CAMK2D: variants seen among roughly 807,000 people sequenced by gnomAD.
The protein encoded by CAMK2D is calcium/calmodulin-dependent protein kinase type II subunit delta.
A neutral mutation model predicts 84.0 loss-of-function variants in CAMK2D; 37 were observed. That is an observed-to-expected ratio of 0.44 (90% CI 0.34 to 0.58). CAMK2D has a LOEUF of 0.58. Ranked by LOEUF, CAMK2D falls within the 20% of genes least tolerant of loss-of-function variation. CAMK2D has a pLI of 0.02. For synonymous variants in CAMK2D, 202 were observed against 212.5 expected (o/e 0.95, Z 0.43); for missense variants, 448 against 652.5 (o/e 0.69, Z 3.41).
intron 2 of CAMK2D, among the ~76,000 whole-genome samples, chr4:113,663,423 CA>C (rs902656674): frequency 3.3e-5 from 5 of 150,796 alleles, no homozygotes; most frequent in African/African-American, 9.8e-5. Flanking sequence ...TCATCTCTAC[CA>C]AAAAAAACAC....
intron 17 of CAMK2D, 52 bp downstream of exon 17, chr4:113,465,476 TA>T: frequency 2.0e-6 from 2 of 1,006,298 alleles, no homozygotes; most frequent in Non-Finnish European, 3.1e-6. Context: ...TGCATTCATA[TA>T]AAAAATATAT....
chr4:113,485,810 C>G (rs1182404769), intron 16 of CAMK2D, among the ~76,000 whole-genome samples: 1 of 152,158 alleles, frequency 6.6e-6, no homozygotes, highest in Non-Finnish European at 1.5e-5. Context: ...TCCTCTCAAG[C>G]TTGATCTGCT....
chr4:113,600,914 C>T (rs2098949338), intron 4 of CAMK2D, among the ~76,000 whole-genome samples: 1 of 152,130 alleles, frequency 6.6e-6, no homozygotes, highest in African/African-American at 2.4e-5. Context: ...AGGTTACAAG[C>T]ATGAGCCACA....
chr4:113,713,266 T>C (rs2099499853), intron 2 of CAMK2D, among the ~76,000 whole-genome samples: 1 of 151,804 alleles, frequency 6.6e-6, no homozygotes, highest in Non-Finnish European at 1.5e-5. Context: ...TCCTTGAGTA[T>C]ATGAATGAAA....
At chr4:113,575,959 AGAAGCCTCACATATTTTTTATAAGT>A (rs1247230670) in intron 4 of CAMK2D, among the ~76,000 whole-genome samples, 1 of 152,152 alleles carries the variant, frequency 6.6e-6, no homozygotes, top group Non-Finnish European at 1.5e-5. Context: ...TTTTTAAAAG[AGAAGCCTCACATATTTTTTATAAGT>A]ATCTTCTAGC....
chr4:113,668,626 T>C (rs1054036986), intron 2 of CAMK2D, among the ~76,000 whole-genome samples: 7 of 152,180 alleles, frequency 4.6e-5, no homozygotes, highest in African/African-American at 1.4e-4. Flanking sequence ...CTGTTTTTCA[T>C]AAAATCATAT....
intron 4 of CAMK2D, among the ~76,000 whole-genome samples, chr4:113,589,281 C>CACTTTT (rs966112562): frequency 6.6e-6 from 1 of 152,088 alleles, no homozygotes; most frequent in African/African-American, 2.4e-5. Context: ...CTAGTTGGGA[C>CACTTTT]ACTTTTACAG....
chr4:113,616,550 C>T (rs772093405), intron 3 of CAMK2D, among the ~76,000 whole-genome samples: 2 of 152,092 alleles, frequency 1.3e-5, no homozygotes, highest in African/African-American at 2.4e-5. Context: ...ATAGTTATTA[C>T]CTGGGAGAAT....
chr4:113,596,859 G>A (rs374658433), intron 4 of CAMK2D, among the ~76,000 whole-genome samples: 7 of 148,186 alleles, frequency 4.7e-5, no homozygotes, highest in African/African-American at 7.5e-5. Flanking sequence ...TCGCTCTGTC[G>A]CCTAGGCTGG....
intron 2 of CAMK2D, among the ~76,000 whole-genome samples, chr4:113,708,675 T>C (rs1315026180): frequency 6.6e-6 from 1 of 152,194 alleles, no homozygotes; most frequent in Non-Finnish European, 1.5e-5. Flanking sequence ...AAATGTGCTA[T>C]CAAACTGAAC....
At chr4:113,663,044 T>C (rs534660334) in intron 2 of CAMK2D, among the ~76,000 whole-genome samples, 1 of 152,314 alleles carries the variant, frequency 6.6e-6, no homozygotes, top group African/African-American at 2.4e-5. Context: ...TAACAGTGTA[T>C]CTCCATTATA....
intron 4 of CAMK2D, among the ~76,000 whole-genome samples, chr4:113,573,341 T>C (rs900444554): frequency 6.6e-6 from 1 of 152,244 alleles, no homozygotes; most frequent in Non-Finnish European, 1.5e-5. Context: ...CTTTTAAAAA[T>C]TAACTTATTC....
At chr4:113,703,469 G>A (rs72895975) in intron 2 of CAMK2D, among the ~76,000 whole-genome samples, 1,590 of 152,150 alleles carry the variant, frequency 0.01, 23 homozygotes, top group African/African-American at 0.036. Context: ...GGGATCACAC[G>A]CGTGAGCCAC....
chr4:113,741,874 G>A (rs938617541), intron 2 of CAMK2D, among the ~76,000 whole-genome samples: 1 of 152,078 alleles, frequency 6.6e-6, no homozygotes, highest in Admixed American at 6.6e-5. Flanking sequence ...CTGTCACCTT[G>A]GTCCTTTGGC....
chr4:113,607,254 A>G (rs1372201443), intron 4 of CAMK2D, among the ~76,000 whole-genome samples: 1 of 152,188 alleles, frequency 6.6e-6, no homozygotes, highest in Non-Finnish European at 1.5e-5. Flanking sequence ...CTAGAACAAC[A>G]TAGAGCCAGA....
chr4:113,497,215 A>G (rs1240603141), intron 16 of CAMK2D, among the ~76,000 whole-genome samples: 1 of 152,044 alleles, frequency 6.6e-6, no homozygotes, highest in East Asian at 1.9e-4. Context: ...ACATTATAGC[A>G]TAACAAGATT....
intron 2 of CAMK2D, among the ~76,000 whole-genome samples, chr4:113,757,263 AT>A (rs1490945866): frequency 2.0e-5 from 3 of 152,140 alleles, no homozygotes; most frequent in African/African-American, 7.2e-5. Context: ...TTAGATAATA[AT>A]AGCAGATAAT....
intron 3 of CAMK2D, among the ~76,000 whole-genome samples, chr4:113,630,635 A>G (rs1185094119): frequency 6.6e-6 from 1 of 152,178 alleles, no homozygotes. Context: ...ACCAGGACCA[A>G]TGTCACTTTC....
intron 2 of CAMK2D, among the ~76,000 whole-genome samples, chr4:113,708,504 T>C (rs969088133): frequency 1.3e-5 from 2 of 152,170 alleles, no homozygotes; most frequent in Non-Finnish European, 2.9e-5. Flanking sequence ...GCTCACCTCT[T>C]CATTCAGACC....
Sources: allele counts gnomAD v4.1 joint callset (sites outside exome capture counted in the v4.1 genomes callset), GRCh38; gene constraint gnomAD v4.1.1; transcripts MANE v1.5; gene names NCBI Gene and HGNC (gene_info 2026-07-23, HGNC 2026-07-21).